TMPRSS12: variants seen among roughly 807,000 people sequenced by gnomAD.
TMPRSS12 encodes the protein transmembrane serine protease 12.
Under a neutral mutation model 26.0 loss-of-function variants are expected in TMPRSS12, and 25 were observed. That is an observed-to-expected ratio of 0.96 (90% CI 0.70 to 1.34). The LOEUF is 1.34. Among genes scored for constraint, TMPRSS12 ranks in the 40% most tolerant of loss-of-function variants. The pLI, the probability that TMPRSS12 is intolerant of heterozygous loss-of-function variation, is 0.00. For synonymous variants in TMPRSS12, 150 were observed against 161.7 expected, an observed-to-expected ratio of 0.93 and a Z score of 0.55; for missense variants, 441 against 440.1, an observed-to-expected ratio of 1.00 and a Z score of -0.02.
intron 3 of TMPRSS12, among the ~76,000 whole-genome samples, chr12:50,864,280 T>A (rs1937966949): frequency 6.6e-6 from 1 of 152,160 alleles, no homozygotes; most frequent in East Asian, 1.9e-4. Flanking sequence ...AAACCCAACT[T>A]CATCTAAGGC....
intron 3 of TMPRSS12, among the ~76,000 whole-genome samples, chr12:50,864,328 GAATGGATTAC>G (rs1401526732): frequency 2.0e-5 from 3 of 151,934 alleles, no homozygotes; most frequent in African/African-American, 7.3e-5. Context: ...CAGTGAAATC[GAATGGATTAC>G]AATAAAAAGA....
intron 3 of TMPRSS12, among the ~76,000 whole-genome samples, chr12:50,863,378 C>G (rs964641652): frequency 6.6e-6 from 1 of 151,956 alleles, no homozygotes; most frequent in Non-Finnish European, 1.5e-5. Context: ...TAAAAACATA[C>G]ATGTGAACAT....
At chr12:50,882,621 GTACT>G (rs1237535981) in intron 3 of TMPRSS12, among the ~76,000 whole-genome samples, 1 of 26,248 alleles carries the variant, frequency 3.8e-5, no homozygotes, top group Non-Finnish European at 9.5e-5. Context: ...GTAAATTTTA[GTACT>G]TAGACAAAAC....
intron 3 of TMPRSS12, among the ~76,000 whole-genome samples, chr12:50,881,107 G>A (rs1938160419): frequency 2.7e-5 from 4 of 150,454 alleles, no homozygotes; most frequent in Admixed American, 2.0e-4. Context: ...TCAGCCTCCC[G>A]AGTAGCTGGG....
intron 1 of TMPRSS12, 89 bp downstream of exon 1, chr12:50,843,240 T>C: frequency 5.0e-6 from 7 of 1,390,166 alleles, no homozygotes; most frequent in Non-Finnish European, 6.6e-6. Flanking sequence ...TCCTTTTCTG[T>C]TGTCCCAATG....
At chr12:50,874,716 T>C (rs1373230646) in intron 3 of TMPRSS12, among the ~76,000 whole-genome samples, 1 of 152,042 alleles carries the variant, frequency 6.6e-6, no homozygotes, top group Non-Finnish European at 1.5e-5. Flanking sequence ...TTGGTAAAGT[T>C]CCAGGATACA....
chr12:50,875,943 A>T (rs1174666839), intron 3 of TMPRSS12, among the ~76,000 whole-genome samples: 1 of 152,228 alleles, frequency 6.6e-6, no homozygotes, highest in Non-Finnish European at 1.5e-5. Context: ...CAGCAAAAGA[A>T]ACTATCAACA....
chr12:50,858,926 T>A lies in TMPRSS12; in HGVS notation c.525T>A (p.Phe175Leu), dbSNP rs1375748749. The A allele has an allele frequency of 6.3e-7, 1 of 1,587,688 alleles. No individual in the cohort carries two copies. Among genetic ancestry groups the A allele is most frequent in the Non-Finnish European group, 8.6e-7 (1 of 1,165,516 alleles). The change falls in exon 3 of 5, where the codon TTT becomes TTA. Residue 175 changes from phenylalanine to leucine, a missense_variant. Coordinates refer to ENST00000398458, the MANE Select transcript of TMPRSS12 (RefSeq NM_182559.3). ...LESYVNDIAL[F>L]HLKKAVRYND... ...CTTATGTAAATGATATTGCACTTTTTCACTTAAAAAAAGCAGTGAGGTATA... is the reference window on the plus strand; with the variant it reads ...CTTATGTAAATGATATTGCACTTTTACACTTAAAAAAAGCAGTGAGGTATA...
intron 2 of TMPRSS12, 101 bp from the exon 3 acceptor site, chr12:50,858,684 T>C (rs1289742400): frequency 1.0e-6 from 1 of 955,926 alleles, no homozygotes; most frequent in Admixed American, 3.6e-5. Flanking sequence ...GGAATTAAAG[T>C]TTTTTATTAA....
chr12:50,865,122 A>G (rs983298881), intron 3 of TMPRSS12, among the ~76,000 whole-genome samples: 3 of 152,180 alleles, frequency 2.0e-5, no homozygotes, highest in Non-Finnish European at 4.4e-5. Context: ...ACCTGAGACC[A>G]GGAGTTTGAG....
At chr12:50,865,055 G>A (rs61932613) in intron 3 of TMPRSS12, among the ~76,000 whole-genome samples, 3 of 152,002 alleles carry the variant, frequency 2.0e-5, no homozygotes, top group Admixed American at 6.5e-5. Context: ...GGATAGGCTG[G>A]GTGCGGTGGC....
chr12:50,850,476 A>C (rs1937815538), intron 2 of TMPRSS12, among the ~76,000 whole-genome samples: 1 of 152,168 alleles, frequency 6.6e-6, no homozygotes, highest in Admixed American at 6.5e-5. Context: ...GCTACTAAGG[A>C]TGCTGAAGTG....
At chr12:50,877,883 TAC>T (rs1361812283) in intron 3 of TMPRSS12, among the ~76,000 whole-genome samples, 2 of 152,226 alleles carry the variant, frequency 1.3e-5, no homozygotes, top group African/African-American at 4.8e-5. Flanking sequence ...GTGCTGGGAT[TAC>T]AGACATTAGC....
Position 50,872,675 on chromosome 12 carries a change from A to G in TMPRSS12, c.653-12571A>G, listed in dbSNP as rs190432972. Among the ~76,000 whole-genome samples, 38 of 97,748 alleles carry G rather than the reference A, an allele frequency of 3.9e-4. 10 individuals carry two copies. The highest frequency in any genetic ancestry group is 9.0e-4 in the Admixed American group (8 of 8,866). The allele number at this position is 97,748 out of a possible 152,430, so 64.1% of individuals were successfully genotyped here. Reference sequence around the variant, plus strand: ...ATATATGACGTATATGTACATATATATGACGTATATGCACATATATATGAC... The same window carrying G: ...ATATATGACGTATATGTACATATATGTGACGTATATGCACATATATATGAC... On this transcript the variant is annotated intron_variant, in intron 3 of 4. Coordinates refer to ENST00000398458, the MANE Select transcript of TMPRSS12 (RefSeq NM_182559.3).
chr12:50,861,532 C>A (rs1937934337), intron 3 of TMPRSS12, among the ~76,000 whole-genome samples: 1 of 152,028 alleles, frequency 6.6e-6, no homozygotes, highest in Admixed American at 6.6e-5. Context: ...TGACCATGGG[C>A]ATGTTATTGA....
Position 50,887,431 on chromosome 12 carries a change from C to T in TMPRSS12, c.965C>T (p.Thr322Ile), listed in dbSNP as rs1938238758. ...WLTEHFFHASTQGILTINILR... is the reference protein window; with the variant it reads ...WLTEHFFHASIQGILTINILR... ...ACAGAGCATTTCTTCCATGCAAGCA[C>T]TCAAGGCATACTTACTATAAATATT... is the stretch of plus-strand genomic sequence containing the variant. Residue 322 changes from threonine (T) to isoleucine (I), a missense_variant, in exon 5 of 5, where the codon ACT (threonine) becomes ATT (isoleucine). Physicochemically the swap from Thr to Ile is moderately conservative, Grantham distance 89 (BLOSUM62 -1). Transcript: ENST00000398458. The T allele has an allele frequency of 3.1e-6, 5 of 1,613,908 alleles. No individual in the cohort carries two copies. The highest frequency in any genetic ancestry group is 4.2e-6 in the Non-Finnish European group (5 of 1,179,882).
chr12:50,866,636 C>G (rs1208615062), intron 3 of TMPRSS12, among the ~76,000 whole-genome samples: 1 of 152,012 alleles, frequency 6.6e-6, no homozygotes, highest in East Asian at 1.9e-4. Context: ...ACAGCTGATG[C>G]TCTCTGGAAA....
At chr12:50,844,070 C>T (rs762438735) in intron 2 of TMPRSS12, 33 bp downstream of exon 2, 1 of 1,469,666 alleles carries the variant, frequency 6.8e-7, no homozygotes, top group East Asian at 2.4e-5. Flanking sequence ...TTTTTATGCT[C>T]TTAGGGGATA....
intron 3 of TMPRSS12, among the ~76,000 whole-genome samples, chr12:50,877,758 C>T (rs183600558): frequency 5.4e-4 from 82 of 152,198 alleles, no homozygotes; most frequent in African/African-American, 1.8e-3. Context: ...TACAGGCATG[C>T]GCCGCCACGC....
Sources: allele counts gnomAD v4.1 joint callset (sites outside exome capture counted in the v4.1 genomes callset), GRCh38; gene constraint gnomAD v4.1.1; transcripts MANE v1.5; gene names NCBI Gene and HGNC (gene_info 2026-07-23, HGNC 2026-07-21).